CYP2S1: variants seen among roughly 807,000 people sequenced by gnomAD.
CYP2S1 encodes cytochrome P450 family 2 subfamily S member 1, also known as cytochrome P450 2S1.
Under a neutral mutation model 43.5 loss-of-function variants are expected in CYP2S1, and 32 were observed. The observed-to-expected ratio is 0.74, with a 90% CI of 0.56 to 0.99. CYP2S1 has a LOEUF of 0.99. CYP2S1 is among the 50% of genes least tolerant of loss of function. The pLI, the probability that CYP2S1 is intolerant of heterozygous loss-of-function variation, is 0.00. For missense variants in CYP2S1, 575 were observed against 673.9 expected (o/e 0.85, Z 1.62); for synonymous variants, 283 against 302.9 (o/e 0.93, Z 0.68).
chr19:41,198,580 A>G lies in CYP2S1; in HGVS notation c.612A>G (p.Ala204=). ...EDKEFQAVVR[A]AGGTLLGVSS... Reference sequence around the variant, plus strand: ...AGGAGTTCCAGGCCGTGGTCCGGGCAGCTGGTGGTACCCTGCTGGGAGTCA... The same window carrying G: ...AGGAGTTCCAGGCCGTGGTCCGGGCGGCTGGTGGTACCCTGCTGGGAGTCA... The change falls in exon 4 of 9, where the codon GCA becomes GCG. Residue 204 remains alanine, a synonymous_variant. Transcript: ENST00000310054. The surrounding 1 kb of genome is among the most constrained non-coding windows in gnomAD (Gnocchi z 4.9). 1 of 1,614,152 alleles carries G rather than the reference A, an allele frequency of 6.2e-7. No homozygotes were observed. The highest frequency in any genetic ancestry group is 8.5e-7 in the Non-Finnish European group (1 of 1,180,024).
intron 6 of CYP2S1, among the ~76,000 whole-genome samples, chr19:41,201,640 G>T (rs958542316): frequency 6.6e-6 from 1 of 152,048 alleles, no homozygotes; most frequent in African/African-American, 2.4e-5. Context: ...GGAGGTAGAA[G>T]TTGCAGTGAG....
chr19:41,197,777 A>T lies in CYP2S1; in HGVS notation c.344-2A>T. ...CCTTTTTGAGTCTAGCCTTCTGCGCAGGGGTTTTCTTCTCCAACGGGGAGC... is the reference window on the plus strand; with the variant it reads ...CCTTTTTGAGTCTAGCCTTCTGCGCTGGGGTTTTCTTCTCCAACGGGGAGC... On this transcript the variant is annotated splice_acceptor_variant, in intron 2 of 8. Transcript: ENST00000310054. LOFTEE classifies it high-confidence loss of function. 1.2e-6 allele frequency: 2 copies of T among 1,613,482 alleles called. No individual in the cohort carries two copies. Among genetic ancestry groups the T allele is most frequent in the Non-Finnish European group, 1.7e-6 (2 of 1,179,920 alleles).
In CYP2S1 at chr19:41,201,357, T is replaced by C; in HGVS notation, c.961T>C (p.Tyr321His). The C allele has an allele frequency of 6.2e-7, 1 of 1,613,866 alleles. No individual in the cohort carries two copies. Among genetic ancestry groups the C allele is most frequent in the Non-Finnish European group, 8.5e-7 (1 of 1,179,908 alleles). ...VGYTLLLLMK[Y>H]PHVQKWVREE... ...CTATACCCTCCTGCTCCTGATGAAA[T>C]ACCCTCATGTCCAAAGTAAGAGCCT... The change falls in exon 6 of 9, where the codon TAC (tyrosine) becomes CAC (histidine). Residue 321 changes from tyrosine (Y) to histidine (H), a missense_variant. By Grantham distance (83) the Tyr-to-His change is moderately conservative. Coordinates refer to ENST00000310054, the MANE Select transcript of CYP2S1 (RefSeq NM_030622.8).
intron 2 of CYP2S1, among the ~76,000 whole-genome samples, chr19:41,197,002 C>G (rs1430148423): frequency 6.6e-6 from 1 of 151,778 alleles, no homozygotes; most frequent in Non-Finnish European, 1.5e-5. Context: ...TCAAGACCAG[C>G]CTAGACAACG....
Position 41,197,766 on chromosome 19 carries a change from GC to G in CYP2S1, c.344-11del. 6.2e-7 allele frequency: 1 copy of G among 1,613,466 alleles called. No homozygotes were observed. The highest frequency in any genetic ancestry group is 8.5e-7 in the Non-Finnish European group (1 of 1,179,882). ...AGGGGCCGGTCCCTTTTTGAGTCTA[GC>G]CTTCTGCGCAGGGGTTTTCTTCTCC... On this transcript the variant is annotated splice_polypyrimidine_tract_variant and intron_variant, in intron 2 of 8. Coordinates refer to ENST00000310054, the MANE Select transcript of CYP2S1 (RefSeq NM_030622.8).
At position 41,197,980 on chromosome 19, in the gene CYP2S1, T is replaced by C. The variant is rs761369819; in HGVS notation, c.493+52T>C. On this transcript the variant is annotated intron_variant, in intron 3 of 8. Transcript: ENST00000310054. ...TCTCCAGCCGAGTGAAAGGGAAAACTCTCCTACTGTGGCTGGGGGTGGCCC... is the reference window on the plus strand; with the variant it reads ...TCTCCAGCCGAGTGAAAGGGAAAACCCTCCTACTGTGGCTGGGGGTGGCCC... The C allele has an allele frequency of 2.6e-6, 4 of 1,549,662 alleles. No homozygotes were observed. In the East Asian group the frequency reaches 9.3e-5, roughly 36 times the overall value.
At chr19:41,203,088 T>A (rs1388748856) in intron 6 of CYP2S1, among the ~76,000 whole-genome samples, 3 of 150,980 alleles carry the variant, frequency 2.0e-5, no homozygotes, top group Non-Finnish European at 4.4e-5. Context: ...TGGCAGAGCG[T>A]GTAATCCCAG....
At position 41,205,342 on chromosome 19, in the gene CYP2S1, T is replaced by TTTCTTTC. The variant is rs1555727533; in HGVS notation, c.1165-614_1165-613insCTTTCTT. Among the ~76,000 whole-genome samples, 22 of 111,718 alleles carry TTTCTTTC rather than the reference T, an allele frequency of 2.0e-4. 1 individual carries two copies. The highest frequency in any genetic ancestry group is 4.1e-3 in the Middle Eastern group (1 of 246). 73.3% of individuals were successfully genotyped at this position (111,718 alleles called of 152,430 possible). On this transcript the variant is annotated intron_variant, in intron 7 of 8. Coordinates refer to ENST00000310054, the MANE Select transcript of CYP2S1 (RefSeq NM_030622.8). The stretch of plus-strand genomic sequence containing the variant: ...ATTCTTTGCCTTTCTTTCTTTCTTT[T>TTTCTTTC]TTTCTTTCTTTCTTTCTTTCTTTCT...
intron 2 of CYP2S1, among the ~76,000 whole-genome samples, chr19:41,195,161 T>C (rs1273735003): frequency 6.6e-6 from 1 of 152,048 alleles, no homozygotes; most frequent in Non-Finnish European, 1.5e-5. Flanking sequence ...GATTGAGTGA[T>C]TGAGTGAGGA....
intron 7 of CYP2S1, among the ~76,000 whole-genome samples, chr19:41,204,589 CTTCTT>C (rs1259802887): frequency 1.6e-4 from 22 of 136,210 alleles, no homozygotes; most frequent in African/African-American, 2.6e-4. Flanking sequence ...TTTTCTTCTT[CTTCTT>C]TTTTTTTTTT....
intron 7 of CYP2S1, among the ~76,000 whole-genome samples, chr19:41,204,426 C>T (rs1031351170): frequency 2.0e-5 from 3 of 152,068 alleles, no homozygotes; most frequent in African/African-American, 7.2e-5. Context: ...TCTCAGTGCC[C>T]TTCACTGGAG....
chr19:41,206,341 C>A lies in CYP2S1; in HGVS notation c.1368C>A (p.Thr456=). The change falls in exon 9 of 9, where the codon ACC becomes ACA. Residue 456 remains threonine, a synonymous_variant. Transcript: ENST00000310054. ...CGGAGCTCTTCCTCTTCTTCACCACCATCCTACAAGCCTTCTCCCTGGAGA... is the reference window on the plus strand; with the variant it reads ...CGGAGCTCTTCCTCTTCTTCACCACAATCCTACAAGCCTTCTCCCTGGAGA... The part of the protein sequence containing the change: ...AKAELFLFFT[T]ILQAFSLESP... The A allele has an allele frequency of 6.2e-7, 1 of 1,614,138 alleles. No homozygotes were observed. The highest frequency in any genetic ancestry group is 8.5e-7 in the Non-Finnish European group (1 of 1,180,034).
intron 7 of CYP2S1, among the ~76,000 whole-genome samples, chr19:41,204,465 G>A (rs57565607): frequency 6.6e-5 from 10 of 152,186 alleles, no homozygotes; most frequent in African/African-American, 2.2e-4. Context: ...CCAAAAGGGG[G>A]CGATGTTTCC....
intron 2 of CYP2S1, among the ~76,000 whole-genome samples, chr19:41,197,569 G>C (rs998890414): frequency 3.3e-5 from 5 of 151,470 alleles, no homozygotes; most frequent in Non-Finnish European, 7.4e-5. Flanking sequence ...GCATGGTGGC[G>C]GGCGCCTGTA....
Position 41,193,448 on chromosome 19 carries a change from G to A in CYP2S1, c.177+7G>A. 7.0e-7 allele frequency: 1 copy of A among 1,434,698 alleles called. No individual in the cohort carries two copies. The highest frequency in any genetic ancestry group is 9.2e-7 in the Non-Finnish European group (1 of 1,089,962). The allele number at this position is 1,434,698 out of a possible 1,614,324, so 88.9% of individuals were successfully genotyped here. On this transcript the variant is annotated splice_region_variant and intron_variant, in intron 1 of 8. Transcript: ENST00000310054. ...GTATTCAGGGCTCATGCGGGTAAGG[G>A]GCTCTGGGGACGTCCTGGCTAGGGG...
At chr19:41,193,508 G>C in intron 1 of CYP2S1, 67 bp downstream of exon 1, 2 of 1,388,320 alleles carry the variant, frequency 1.4e-6, no homozygotes, top group Non-Finnish European at 9.4e-7. Context: ...CCGAGTGCCA[G>C]GGTGAGGGGC....
intron 1 of CYP2S1, 130 bp from the exon 2 acceptor site, chr19:41,194,414 T>G: frequency 8.3e-7 from 1 of 1,205,096 alleles, no homozygotes; most frequent in Non-Finnish European, 1.1e-6. Flanking sequence ...TCTGCTGGGA[T>G]GGGGGCAGGT....
At chr19:41,196,937 TGCCATTCTA>T (rs2122154472) in intron 2 of CYP2S1, among the ~76,000 whole-genome samples, 1 of 152,280 alleles carries the variant, frequency 6.6e-6, no homozygotes, top group East Asian at 1.9e-4. Context: ...TGCTCACGCT[TGCCATTCTA>T]GCACTTTGGG....
At chr19:41,204,592 C>CTT (rs553640679) in intron 7 of CYP2S1, among the ~76,000 whole-genome samples, 23 of 109,030 alleles carry the variant, frequency 2.1e-4, no homozygotes, top group Non-Finnish European at 3.0e-4. Flanking sequence ...TCTTCTTCTT[C>CTT]TTTTTTTTTT....
Sources: allele counts gnomAD v4.1 joint callset (sites outside exome capture counted in the v4.1 genomes callset), GRCh38; gene constraint gnomAD v4.1.1; non-coding constraint Gnocchi (gnomAD v3.1); transcripts MANE v1.5; gene names NCBI Gene and HGNC (gene_info 2026-07-23, HGNC 2026-07-21).